DEGS2: variants seen among roughly 807,000 people sequenced by gnomAD.
The protein encoded by DEGS2 is delta 4-desaturase, sphingolipid 2, also known as sphingolipid delta(4)-desaturase/C4-monooxygenase DES2.
A neutral mutation model predicts 23.8 loss-of-function variants in DEGS2; 19 were observed. The ratio of observed to expected loss-of-function variants is 0.80; its 90% CI spans 0.56 to 1.17. The LOEUF (loss-of-function observed/expected upper bound fraction) is 1.17, where lower values mean the gene tolerates loss of function less well. Among genes scored for constraint, DEGS2 ranks in the 50% most tolerant of loss-of-function variants. DEGS2 has a pLI of 0.00. For missense variants in DEGS2, 390 were observed against 459.5 expected (o/e 0.85, Z 1.38); for synonymous variants, 218 against 213.7 (o/e 1.02, Z -0.18).
intron 2 of DEGS2, among the ~76,000 whole-genome samples, chr14:100,147,256 A>G (rs1889466007): frequency 6.6e-6 from 1 of 152,188 alleles, no homozygotes; most frequent in Admixed American, 6.5e-5. Context: ...GGCTCAGCTC[A>G]GAGCGCCTGC....
In DEGS2 at chr14:100,144,105, C is replaced by G. The variant is rs762911938; in HGVS notation, c.*2656G>C. 11 of 327,252 alleles carry G rather than the reference C, an allele frequency of 3.4e-5. No individual in the cohort carries two copies. The highest frequency in any genetic ancestry group is 4.6e-5 in the Non-Finnish European group (8 of 174,880). 20.3% of individuals were successfully genotyped at this position (327,252 alleles called of 1,614,324 possible). A position where few individuals can be genotyped will look rare whatever the true frequency, so the allele number is the denominator to read the frequency against. On this transcript the variant is annotated 3_prime_UTR_variant, in exon 3 of 3. Coordinates refer to ENST00000305631, the MANE Select transcript of DEGS2 (RefSeq NM_206918.3). ...GCCTCAGCTGGCGGTGACAGCCGGC[C>G]CAGCGTGGCGCCACCACACACCGCA...
At chr14:100,166,140 C>G in the DEGS2 span, among the ~76,000 whole-genome samples, 13 of 10,300 alleles carry the variant, frequency 1.3e-3, no homozygotes, top group African/African-American at 3.2e-3. Flanking sequence ...GAGCCTGTCT[C>G]GGGGAGTGGG....
intron 1 of DEGS2, among the ~76,000 whole-genome samples, chr14:100,157,005 T>C (rs1814066081): frequency 6.6e-6 from 1 of 152,188 alleles, no homozygotes; most frequent in Admixed American, 6.5e-5. Context: ...TGCCTCTCCC[T>C]TTTCCAAGTC....
Position 100,145,910 on chromosome 14 carries a change from G to T in DEGS2, c.*851C>A. 6.6e-6 allele frequency: 1 copy of T among 152,572 alleles called. No individual in the cohort carries two copies. The allele number at this position is 152,572 out of a possible 1,614,324, so 9.5% of individuals were successfully genotyped here. ...ACAGTCACCTGCCCGGCCAGCCCCC[G>T]GGCTTGGGTGCCAGATCTGGGCAGA... On this transcript the variant is annotated 3_prime_UTR_variant, in exon 3 of 3. Coordinates refer to ENST00000305631, the MANE Select transcript of DEGS2 (RefSeq NM_206918.3).
intron 1 of DEGS2, among the ~76,000 whole-genome samples, chr14:100,150,664 C>G (rs958065859): frequency 6.6e-6 from 1 of 151,832 alleles, no homozygotes; most frequent in African/African-American, 2.4e-5. Flanking sequence ...AACAAAGATG[C>G]TAAGTTCTGC....
chr14:100,146,895 C>T lies in DEGS2; in HGVS notation c.838G>A (p.Ala280Thr), dbSNP rs1423535210. Residue 280 changes from alanine to threonine, a missense_variant, in exon 3 of 3, where the codon GCG becomes ACG. By Grantham distance (58) the Ala-to-Thr change is moderately conservative (BLOSUM62 0). Coordinates refer to ENST00000305631, the MANE Select transcript of DEGS2 (RefSeq NM_206918.3). Reference sequence around the variant, plus strand: ...GGCAGGTGGTCGTAGTACTCGGGCGCGATCTTCCGCACCTGTAGAGAGGAG... The same window carrying T: ...GGCAGGTGGTCGTAGTACTCGGGCGTGATCTTCCGCACCTGTAGAGAGGAG... The part of the protein sequence containing the change: ...GYNLPLVRKI[A>T]PEYYDHLPQH... 58 of 1,612,618 alleles carry T rather than the reference C, an allele frequency of 3.6e-5. No homozygotes were observed. The highest frequency in any genetic ancestry group is 4.7e-5 in the Non-Finnish European group (56 of 1,179,478).
intron 1 of DEGS2, among the ~76,000 whole-genome samples, chr14:100,154,238 G>A (rs190956566): frequency 6.6e-5 from 10 of 152,206 alleles, no homozygotes; most frequent in Admixed American, 2.0e-4. Context: ...GGTGGCGTGC[G>A]CCTGTAGTTC....
upstream of DEGS2, among the ~76,000 whole-genome samples, chr14:100,160,675 C>T (rs1382240626): frequency 3.3e-5 from 5 of 152,158 alleles, no homozygotes; most frequent in Non-Finnish European, 7.3e-5. Flanking sequence ...GCCACAGGCT[C>T]GCACATAGTG....
At chr14:100,154,355 C>CAAAAA (rs5810980) in intron 1 of DEGS2, among the ~76,000 whole-genome samples, 1 of 138,204 alleles carries the variant, frequency 7.2e-6, no homozygotes. Flanking sequence ...CAAAGCGTCT[C>CAAAAA]AAAAAAAAAA....
chr14:100,159,622 G>C lies in DEGS2; in HGVS notation c.-35C>G. 1 of 1,439,732 alleles carries C rather than the reference G, an allele frequency of 6.9e-7. No homozygotes were observed. Among genetic ancestry groups the C allele is most frequent in the South Asian group, 1.3e-5 (1 of 75,700 alleles). 89.2% of individuals were successfully genotyped at this position (1,439,732 alleles called of 1,614,324 possible). On this transcript the variant is annotated 5_prime_UTR_variant, in exon 1 of 3. Transcript: ENST00000305631. ...GGAGGCGCCGTTCGGAGCGCGGCCGGCTCGGCTCTGCTGCACCTGTCGCGG... is the reference window on the plus strand; with the variant it reads ...GGAGGCGCCGTTCGGAGCGCGGCCGCCTCGGCTCTGCTGCACCTGTCGCGG...
At chr14:100,163,391 G>A (rs1244479688), upstream of DEGS2, among the ~76,000 whole-genome samples, 2 of 152,154 alleles carry the variant, frequency 1.3e-5, no homozygotes, top group Non-Finnish European at 2.9e-5. Context: ...GCGGTGAGCT[G>A]AGATTTCGCT....
chr14:100,158,370 C>T (rs2140426117), intron 1 of DEGS2, among the ~76,000 whole-genome samples: 1 of 151,962 alleles, frequency 6.6e-6, no homozygotes, highest in African/African-American at 2.4e-5. Context: ...AAGATCGCGC[C>T]TAGCCAACAT....
In DEGS2 at chr14:100,159,644, G is replaced by A; in HGVS notation, c.-57C>T. The A allele has an allele frequency of 8.2e-7, 1 of 1,225,034 alleles. No individual in the cohort carries two copies. The highest frequency in any genetic ancestry group is 1.1e-6 in the Non-Finnish European group (1 of 925,568). The allele number at this position is 1,225,034 out of a possible 1,614,324, so 75.9% of individuals were successfully genotyped here. On this transcript the variant is annotated 5_prime_UTR_variant, in exon 1 of 3. Transcript: ENST00000305631. ...CCGGCTCGGCTCTGCTGCACCTGTCGCGGCGGCCGCGGCGCGGAACCAGCT... is the reference window on the plus strand; with the variant it reads ...CCGGCTCGGCTCTGCTGCACCTGTCACGGCGGCCGCGGCGCGGAACCAGCT...
upstream of DEGS2, among the ~76,000 whole-genome samples, chr14:100,162,619 G>A (rs1020710983): frequency 5.3e-5 from 8 of 152,102 alleles, no homozygotes; most frequent in South Asian, 2.1e-4. Flanking sequence ...ACACACACAC[G>A]CGCACACAGC....
chr14:100,159,416 G>T, intron 1 of DEGS2, 90 bp downstream of exon 1: 1 of 1,054,876 alleles, frequency 9.5e-7, no homozygotes, highest in South Asian at 1.8e-5. Flanking sequence ...GCCAGAGCTG[G>T]AGCGGCCCGT....
At chr14:100,164,909 C>T in the DEGS2 span, among the ~76,000 whole-genome samples, 7 of 152,312 alleles carry the variant, frequency 4.6e-5, no homozygotes, top group Admixed American at 3.3e-4. Context: ...GAGGTAACTC[C>T]AATGTCCAAC....
chr14:100,146,962 G>T, intron 2 of DEGS2, 55 bp from the exon 3 acceptor site: 2 of 1,577,970 alleles, frequency 1.3e-6, no homozygotes, highest in Admixed American at 1.8e-5. Context: ...CCGCACCCGC[G>T]AGCACACACG....
intron 1 of DEGS2, among the ~76,000 whole-genome samples, chr14:100,157,374 G>A (rs1177999877): frequency 6.6e-6 from 1 of 152,238 alleles, no homozygotes; most frequent in African/African-American, 2.4e-5. Flanking sequence ...GTCCTGTGAA[G>A]TGAAGCTGGG....
chr14:100,152,183 C>T (rs776140985), intron 1 of DEGS2, among the ~76,000 whole-genome samples: 2 of 151,972 alleles, frequency 1.3e-5, no homozygotes, highest in African/African-American at 2.4e-5. Context: ...GATGAGGTAG[C>T]GAGGGTGGGT....
Sources: gnomAD v4.1 joint callset for allele counts (sites outside exome capture counted in the v4.1 genomes callset) on GRCh38, gnomAD v4.1.1 for gene constraint, MANE v1.5 for transcripts, NCBI Gene and HGNC (gene_info 2026-07-23, HGNC 2026-07-21) for gene names.